Variants in KCNAB3 observed in about 807,000 individuals in gnomAD.
The protein encoded by KCNAB3 is potassium voltage-gated channel subfamily A regulatory beta subunit 3, also known as voltage-gated potassium channel subunit beta-3.
A neutral mutation model predicts 67.7 loss-of-function variants in KCNAB3; 62 were observed. That is an observed-to-expected ratio of 0.92 (90% CI 0.75 to 1.13). The LOEUF is 1.13. Among genes scored for constraint, KCNAB3 ranks in the 50% most tolerant of loss-of-function variants. The probability of loss-of-function intolerance (pLI) is 0.00; values close to 1 mark genes in which losing one functional copy is unlikely to be tolerated. For missense variants in KCNAB3, 514 were observed against 522.9 expected (o/e 0.98, Z 0.17); for synonymous variants, 212 against 205.4 (o/e 1.03, Z -0.27).
chr17:7,922,946 T>A lies in KCNAB3; in HGVS notation c.*156A>T, dbSNP rs918845422. 1 of 683,918 alleles carries A rather than the reference T, an allele frequency of 1.5e-6. No individual in the cohort carries two copies. The highest frequency in any genetic ancestry group is 2.6e-6 in the Non-Finnish European group (1 of 380,580). The allele number at this position is 683,918 out of a possible 1,614,324, so 42.4% of individuals were successfully genotyped here. On this transcript the variant is annotated 3_prime_UTR_variant, in exon 14 of 14. Transcript: ENST00000303790. ...CTGCAAAAGGATATGGCTTTGTTCA[T>A]GCGTATCACTACTCGAAGCCGGGAC... is the stretch of plus-strand genomic sequence containing the variant.
intron 10 of KCNAB3, 34 bp downstream of exon 10, chr17:7,924,111 G>A: frequency 1.9e-6 from 3 of 1,614,210 alleles, no homozygotes; most frequent in Non-Finnish European, 2.5e-6. Flanking sequence ...CCATGGATGA[G>A]GCTAAGGTAA....
At chr17:7,925,493 C>T (rs1278094009) in intron 7 of KCNAB3, 190 bp downstream of exon 7, 2 of 644,256 alleles carry the variant, frequency 3.1e-6, no homozygotes, top group African/African-American at 1.9e-5. Context: ...CGTGCCATTA[C>T]ACTCCAGCCT....
chr17:7,929,402 G>A lies in KCNAB3; in HGVS notation c.34C>T (p.Leu12Phe), dbSNP rs1598039979. The stretch of plus-strand genomic sequence containing the variant: ...CGGTCCTCACTGCTCCGGCTGCGAA[G>A]GTTCTGCTCGGTACACGCGATAGAC... ...QVSIACTEQN[L>F]RSRSSEDRLC... Residue 12 changes from leucine to phenylalanine, a missense_variant, in exon 1 of 14, where the codon CTT (leucine) becomes TTT (phenylalanine). Transcript: ENST00000303790. The surrounding 1 kb of genome is among the most constrained non-coding windows in gnomAD (Gnocchi z 5.7). 1 of 1,548,402 alleles carries A rather than the reference G, an allele frequency of 6.5e-7. No individual in the cohort carries two copies. Among genetic ancestry groups the A allele is most frequent in the African/African-American group, 1.4e-5 (1 of 73,088 alleles).
chr17:7,925,880 C>T, intron 6 of KCNAB3, 51 bp downstream of exon 6: 1 of 1,371,546 alleles, frequency 7.3e-7, no homozygotes, highest in East Asian at 2.3e-5. Context: ...CATACACCTT[C>T]ACACATTCTT....
At position 7,929,431 on chromosome 17, in the gene KCNAB3, T is replaced by A; in HGVS notation, c.5A>T (p.Gln2Leu). 4.5e-6 allele frequency: 7 copies of A among 1,545,210 alleles called. No individual in the cohort carries two copies. The highest frequency in any genetic ancestry group is 6.1e-6 in the Non-Finnish European group (7 of 1,145,186). Residue 2 changes from glutamine (Q) to leucine (L), a missense_variant, in exon 1 of 14, where the codon CAG becomes CTG. Transcript: ENST00000303790. The surrounding 1 kb of genome is among the most constrained non-coding windows in gnomAD (Gnocchi z 5.7). MQVSIACTEQNL... is the reference protein window; with the variant it reads MLVSIACTEQNL... Reference sequence around the variant, plus strand: ...CTGCTCGGTACACGCGATAGACACCTGCATGCTGGCTGGCCGAGGCGGGGG... The same window carrying A: ...CTGCTCGGTACACGCGATAGACACCAGCATGCTGGCTGGCCGAGGCGGGGG...
Position 7,927,401 on chromosome 17 carries a change from A to G in KCNAB3, c.347T>C (p.Val116Ala), listed in dbSNP as rs1483724082. The G allele has an allele frequency of 1.2e-6, 2 of 1,613,912 alleles. No homozygotes were observed. Among genetic ancestry groups the G allele is most frequent in the Non-Finnish European group, 8.5e-7 (1 of 1,180,028 alleles). ...SDETAEDVLT[V>A]AYEHGVNLFD... ...CAGGTTTACACCATGCTCATAGGCTACAGTCAGCACATCCTCTGCTGTCTA... is the reference window on the plus strand; with the variant it reads ...CAGGTTTACACCATGCTCATAGGCTGCAGTCAGCACATCCTCTGCTGTCTA... Residue 116 changes from valine to alanine, a missense_variant, in exon 4 of 14, where the codon GTA becomes GCA. By Grantham distance (64) the Val-to-Ala change is moderately conservative. Transcript: ENST00000303790.
Position 7,924,135 on chromosome 17 carries a change from G to A in KCNAB3, c.832+10C>T, listed in dbSNP as rs752088911. ...AGGCTAAGGTAAAGGCAGGGATGAG[G>A]GCTGCAAACCAATCTTGTGGTAGAG... On this transcript the variant is annotated intron_variant, in intron 10 of 13. Transcript: ENST00000303790. 1.9e-6 allele frequency: 3 copies of A among 1,614,180 alleles called. No individual in the cohort carries two copies. Among genetic ancestry groups the A allele is most frequent in the Non-Finnish European group, 8.5e-7 (1 of 1,180,034 alleles).
At chr17:7,927,726 G>T (rs756260780) in intron 2 of KCNAB3, 32 bp from the exon 3 acceptor site, 68 of 1,614,050 alleles carry the variant, frequency 4.2e-5, no homozygotes, top group Non-Finnish European at 1.7e-5. Context: ...CATGAGAACT[G>T]CAGGGGGCAG....
chr17:7,929,798 A>G lies in KCNAB3; in HGVS notation c.-363T>C. The stretch of plus-strand genomic sequence containing the variant: ...CGGGGCGGGAGAGAGATGCCACTTC[A>G]GCGCGAACCGCTGCGGGACCCGCTG... On this transcript the variant is annotated 5_prime_UTR_variant, in exon 1 of 14. Transcript: ENST00000303790. The surrounding 1 kb of genome is among the most constrained non-coding windows in gnomAD (Gnocchi z 5.7). 1.6e-4 allele frequency: 183 copies of G among 1,120,842 alleles called. No individual in the cohort carries two copies. The highest frequency in any genetic ancestry group is 1.1e-3 in the Admixed American group (22 of 20,522). 69.4% of individuals were successfully genotyped at this position (1,120,842 alleles called of 1,614,324 possible).
Position 7,929,621 on chromosome 17 carries a change from T to A in KCNAB3, c.-186A>T. 1 of 1,420,600 alleles carries A rather than the reference T, an allele frequency of 7.0e-7. No individual in the cohort carries two copies. Among genetic ancestry groups the A allele is most frequent in the Admixed American group, 3.0e-5 (1 of 33,412 alleles). 88.0% of individuals were successfully genotyped at this position (1,420,600 alleles called of 1,614,324 possible). A position where few individuals can be genotyped will look rare whatever the true frequency, so the allele number is the denominator to read the frequency against. ...GGGCGGGCTGCTGGAGGTCGCGAGG[T>A]TTGCGGCGGGAGGGAAGAAACGTGG... On this transcript the variant is annotated 5_prime_UTR_variant, in exon 1 of 14. Transcript: ENST00000303790. This position sits in a 1 kb window ranked among gnomAD's most constrained non-coding sequence, Gnocchi z 5.7.
intron 11 of KCNAB3, 24 bp downstream of exon 11, chr17:7,923,944 C>T (rs1438485013): frequency 1.4e-5 from 23 of 1,607,210 alleles, no homozygotes; most frequent in Non-Finnish European, 1.8e-5. Context: ...CCCAGTCCTG[C>T]CATCGAGAGC....
chr17:7,924,672 A>G lies in KCNAB3; in HGVS notation c.626-172T>C, dbSNP rs894545136. On this transcript the variant is annotated intron_variant, in intron 8 of 13. Transcript: ENST00000303790. ...TCCACATCCTGGAGTCTCAGCCTCC[A>G]CTGTGGAGTTTTGGAGGCCTTCTGA... is the stretch of plus-strand genomic sequence containing the variant. 8.7e-6 allele frequency: 12 copies of G among 1,377,398 alleles called. No homozygotes were observed. In the South Asian group the frequency reaches 1.9e-4, roughly 22 times the overall value. 85.3% of individuals were successfully genotyped at this position (1,377,398 alleles called of 1,614,324 possible).
chr17:7,929,842 C>A lies in KCNAB3; in HGVS notation c.-407G>T. On this transcript the variant is annotated 5_prime_UTR_variant, in exon 1 of 14. Transcript: ENST00000303790. This position sits in a 1 kb window ranked among gnomAD's most constrained non-coding sequence, Gnocchi z 5.7. ...CCCGCTGGGCTCCCAGCCGCGTCGG[C>A]AGCGGGCCCAGCTCATCAGCATGCA... 1 of 1,076,312 alleles carries A rather than the reference C, an allele frequency of 9.3e-7. No individual in the cohort carries two copies. The highest frequency in any genetic ancestry group is 1.1e-6 in the Non-Finnish European group (1 of 886,210). 66.7% of individuals were successfully genotyped at this position (1,076,312 alleles called of 1,614,324 possible). A position where few individuals can be genotyped will look rare whatever the true frequency, so the allele number is the denominator to read the frequency against.
chr17:7,926,185 G>T, intron 4 of KCNAB3, 82 bp from the exon 5 acceptor site: 1 of 1,522,310 alleles, frequency 6.6e-7, no homozygotes, highest in Non-Finnish European at 9.1e-7. Flanking sequence ...TTCCTCTCTT[G>T]CAAAGTAGGA....
chr17:7,925,381 T>A (rs1598034684), intron 7 of KCNAB3, 198 bp from the exon 8 acceptor site: 3 of 584,952 alleles, frequency 5.1e-6, no homozygotes, highest in African/African-American at 3.8e-5. Context: ...TACAAAAAAT[T>A]AGCCAGGCGT....
chr17:7,924,664 C>T, intron 8 of KCNAB3, 164 bp from the exon 9 acceptor site: 21 of 1,384,320 alleles, frequency 1.5e-5, no homozygotes, highest in Non-Finnish European at 2.0e-5. Flanking sequence ...CCTGGAGTCT[C>T]AGCCTCCACT....
At chr17:7,928,852 G>A (rs544955151) in intron 1 of KCNAB3, among the ~76,000 whole-genome samples, 1 of 152,192 alleles carries the variant, frequency 6.6e-6, no homozygotes, top group Non-Finnish European at 1.5e-5. Flanking sequence ...CCCAGGACAC[G>A]GACCCAAGGA....
rs556025090 is a variant in KCNAB3, at chr17:7,924,218, A to G, written c.759T>C (p.Cys253=). The change falls in exon 10 of 14, where the codon TGT becomes TGC. Residue 253 remains cysteine (C), a synonymous_variant. Transcript: ENST00000303790. Reference sequence around the variant, plus strand: ...GAAACAGATGGTGCTCCGCTTGTTCACACACTGGAGGAATCAGATTGAACT... The same window carrying G: ...GAAACAGATGGTGCTCCGCTTGTTCGCACACTGGAGGAATCAGATTGAACT... ...ARQFNLIPPV[C]EQAEHHLFQR... 16 of 1,614,140 alleles carry G rather than the reference A, an allele frequency of 9.9e-6. No individual in the cohort carries two copies. In the South Asian group the frequency reaches 1.4e-4, roughly 14 times the overall value.
At chr17:7,925,855 T>TGCCCCC in intron 6 of KCNAB3, 76 bp downstream of exon 6, 4 of 1,547,834 alleles carry the variant, frequency 2.6e-6, no homozygotes, top group Non-Finnish European at 3.6e-6. Context: ...AGGATAGCTG[T>TGCCCCC]CCCCACCCCC....
Sources: allele counts gnomAD v4.1 joint callset (sites outside exome capture counted in the v4.1 genomes callset), GRCh38; gene constraint gnomAD v4.1.1; non-coding constraint Gnocchi (gnomAD v3.1); transcripts MANE v1.5; gene names NCBI Gene and HGNC (gene_info 2026-07-23, HGNC 2026-07-21).